The following CNTNAP2 variants were observed in gnomAD, a reference collection of about 807,000 sequenced individuals.
CNTNAP2 encodes contactin associated protein 2.
Under a neutral mutation model 155.2 loss-of-function variants are expected in CNTNAP2, and 98 were observed. That is an observed-to-expected ratio of 0.63 (90% CI 0.54 to 0.75). CNTNAP2 has a LOEUF of 0.75. Ranked by LOEUF, CNTNAP2 falls within the 30% of genes least tolerant of loss-of-function variation. The probability of loss-of-function intolerance (pLI) is 0.00; values close to 1 mark genes in which losing one functional copy is unlikely to be tolerated. For synonymous variants in CNTNAP2, 651 were observed against 631.2 expected, an observed-to-expected ratio of 1.03 and a Z score of -0.47; for missense variants, 1,727 against 1,688.1, an observed-to-expected ratio of 1.02 and a Z score of -0.40.
intron 13 of CNTNAP2, among the ~76,000 whole-genome samples, chr7:147,707,493 A>T (rs1485742278): frequency 2.0e-5 from 3 of 152,250 alleles, no homozygotes; most frequent in Non-Finnish European, 4.4e-5. Flanking sequence ...GGACAGGGAC[A>T]ACAGGTGGGC....
At chr7:147,864,150 A>C (rs993906031) in intron 13 of CNTNAP2, among the ~76,000 whole-genome samples, 1 of 152,172 alleles carries the variant, frequency 6.6e-6, no homozygotes, top group African/African-American at 2.4e-5. Flanking sequence ...ACATATGGCT[A>C]GCCAGTTTTC....
At chr7:146,781,597 C>T (rs1370539603) in intron 2 of CNTNAP2, among the ~76,000 whole-genome samples, 2 of 152,132 alleles carry the variant, frequency 1.3e-5, no homozygotes, top group African/African-American at 2.4e-5. Flanking sequence ...TCCGGAAACG[C>T]GCTGGGCTGC....
At chr7:147,629,631 T>C (rs973529255) in intron 12 of CNTNAP2, among the ~76,000 whole-genome samples, 6 of 151,928 alleles carry the variant, frequency 3.9e-5, no homozygotes, top group Non-Finnish European at 7.4e-5. Context: ...TCAGGTATTC[T>C]CTCAGACCAC....
At chr7:147,111,703 C>G (rs1317068540) in intron 5 of CNTNAP2, among the ~76,000 whole-genome samples, 1 of 152,102 alleles carries the variant, frequency 6.6e-6, no homozygotes, top group Non-Finnish European at 1.5e-5. Context: ...TTTCTGAGTT[C>G]TATACTGTGT....
At chr7:146,742,377 A>T (rs985572686) in intron 1 of CNTNAP2, among the ~76,000 whole-genome samples, 1 of 152,172 alleles carries the variant, frequency 6.6e-6, no homozygotes, top group African/African-American at 2.4e-5. Context: ...GAACTCACGG[A>T]AGAATAGGCA....
At chr7:148,166,867 G>T (rs1805676262) in intron 17 of CNTNAP2, among the ~76,000 whole-genome samples, 1 of 152,152 alleles carries the variant, frequency 6.6e-6, no homozygotes, top group Admixed American at 6.5e-5. Flanking sequence ...GATTTCTACA[G>T]AGCGCAGAAG....
intron 21 of CNTNAP2, among the ~76,000 whole-genome samples, chr7:148,361,496 A>G (rs886540399): frequency 6.6e-6 from 1 of 152,034 alleles, no homozygotes; most frequent in African/African-American, 2.4e-5. Context: ...CAGAGGGGGA[A>G]CTGTTCTTCT....
At chr7:146,561,262 A>C (rs1798275558) in intron 1 of CNTNAP2, among the ~76,000 whole-genome samples, 1 of 152,174 alleles carries the variant, frequency 6.6e-6, no homozygotes, top group African/African-American at 2.4e-5. Context: ...GTAATATCTA[A>C]ATTGTACAAC....
At chr7:148,189,599 C>T (rs1226206008) in intron 18 of CNTNAP2, among the ~76,000 whole-genome samples, 1 of 152,200 alleles carries the variant, frequency 6.6e-6, no homozygotes, top group East Asian at 1.9e-4. Context: ...GATGATACAA[C>T]AAGAGGGCTC....
intron 1 of CNTNAP2, among the ~76,000 whole-genome samples, chr7:146,240,542 GATA>G (rs1022737569): frequency 3.2e-4 from 49 of 151,184 alleles, no homozygotes; most frequent in African/African-American, 8.0e-4. Flanking sequence ...ATATATAAAT[GATA>G]ATAATAATGC....
At chr7:146,547,392 A>AATAT (rs1798044771) in intron 1 of CNTNAP2, among the ~76,000 whole-genome samples, 1 of 151,832 alleles carries the variant, frequency 6.6e-6, no homozygotes, top group South Asian at 2.1e-4. Flanking sequence ...TAAATGTTTA[A>AATAT]ATATATAATG....
Position 147,157,800 on chromosome 7 carries a change from T to G in CNTNAP2, c.1348+25291T>G, listed in dbSNP as rs182315265. 2.0e-4 allele frequency among the ~76,000 whole-genome samples: 30 copies of G among 152,246 alleles called. 1 individual carries two copies. Among genetic ancestry groups the G allele is most frequent in the African/African-American group, 6.5e-4 (27 of 41,552 alleles). ...ATAAATGGTATGAATAAGTTTCATATGCTTTTTAGTCCACCCAGATTCCAA... is the reference window on the plus strand; with the variant it reads ...ATAAATGGTATGAATAAGTTTCATAGGCTTTTTAGTCCACCCAGATTCCAA... On this transcript the variant is annotated intron_variant, in intron 8 of 23. Coordinates refer to ENST00000361727, the MANE Select transcript of CNTNAP2 (RefSeq NM_014141.6).
intron 1 of CNTNAP2, among the ~76,000 whole-genome samples, chr7:146,349,058 TACC>T (rs575584763): frequency 2.6e-5 from 4 of 152,210 alleles, no homozygotes; most frequent in Non-Finnish European, 5.9e-5. Flanking sequence ...CATAGTAAGT[TACC>T]ACAAGGCCTG....
At chr7:146,713,720 T>C (rs1011203733) in intron 1 of CNTNAP2, among the ~76,000 whole-genome samples, 1 of 152,136 alleles carries the variant, frequency 6.6e-6, no homozygotes. Flanking sequence ...ATCCTACATG[T>C]CAAGCACTGC....
chr7:148,064,566 C>T (rs970061567), intron 15 of CNTNAP2, among the ~76,000 whole-genome samples: 1 of 151,032 alleles, frequency 6.6e-6, no homozygotes, highest in African/African-American at 2.4e-5. Flanking sequence ...ATGAATTCAG[C>T]AAAGTTTCAG....
intron 10 of CNTNAP2, among the ~76,000 whole-genome samples, chr7:147,449,286 A>G (rs1797792040): frequency 6.6e-6 from 1 of 152,160 alleles, no homozygotes; most frequent in Non-Finnish European, 1.5e-5. Flanking sequence ...ATAAAATGCA[A>G]AAGCATGACT....
intron 15 of CNTNAP2, among the ~76,000 whole-genome samples, chr7:147,997,780 A>G (rs10279570): frequency 0.39 from 59,150 of 151,934 alleles, 12,168 homozygotes; most frequent in African/African-American, 0.52. Flanking sequence ...TAAGGAGGTG[A>G]AAAGAGGTGT....
chr7:148,373,878 G>A (rs562346812), intron 21 of CNTNAP2, among the ~76,000 whole-genome samples: 49 of 152,302 alleles, frequency 3.2e-4, no homozygotes, highest in African/African-American at 1.2e-3. Context: ...TGGCATCCAG[G>A]GTGGTTGCGA....
At chr7:146,916,201 G>A (rs1260358786) in intron 3 of CNTNAP2, among the ~76,000 whole-genome samples, 1 of 152,016 alleles carries the variant, frequency 6.6e-6, no homozygotes, top group Non-Finnish European at 1.5e-5. Context: ...TTTTTGATAT[G>A]CTGTTGGACT....
Sources: gnomAD v4.1 joint callset for allele counts (sites outside exome capture counted in the v4.1 genomes callset) on GRCh38, gnomAD v4.1.1 for gene constraint, MANE v1.5 for transcripts, NCBI Gene and HGNC (gene_info 2026-07-23, HGNC 2026-07-21) for gene names.